CPNE4: variants seen among roughly 807,000 people sequenced by gnomAD.
CPNE4 encodes the protein copine 4.
A neutral mutation model predicts 67.9 loss-of-function variants in CPNE4; 25 were observed. The observed-to-expected ratio is 0.37, with a 90% CI of 0.27 to 0.51. The LOEUF is 0.51. CPNE4 is among the 20% of genes least tolerant of loss of function. CPNE4 has a pLI of 0.93. For missense variants in CPNE4, 464 were observed against 690.8 expected (o/e 0.67, Z 3.68); for synonymous variants, 242 against 244.9 (o/e 0.99, Z 0.11).
intron 7 of CPNE4, among the ~76,000 whole-genome samples, chr3:131,654,766 T>A (rs1213303570): frequency 6.6e-6 from 1 of 152,220 alleles, no homozygotes; most frequent in Non-Finnish European, 1.5e-5. Context: ...GAGTAGTGGT[T>A]CTCAACAAGG....
intron 1 of CPNE4, among the ~76,000 whole-genome samples, chr3:132,021,287 G>A (rs1426378739): frequency 1.3e-5 from 2 of 152,172 alleles, no homozygotes; most frequent in African/African-American, 4.8e-5. Context: ...AATCATTCAT[G>A]CCACAAGTAC....
chr3:131,537,594 T>C, intron 15 of CPNE4: 1 of 296,652 alleles, frequency 3.4e-6, no homozygotes, highest in South Asian at 3.1e-5. Context: ...TGAAGACTTG[T>C]ACATTTCTGA....
At chr3:131,952,383 G>A (rs1373215573) in intron 1 of CPNE4, among the ~76,000 whole-genome samples, 1 of 150,086 alleles carries the variant, frequency 6.7e-6, no homozygotes, top group Non-Finnish European at 1.5e-5. Context: ...CCCCGTCTGA[G>A]AAGTGAGGAG....
chr3:131,728,113 G>A (rs34012652), intron 2 of CPNE4, among the ~76,000 whole-genome samples: 42,229 of 152,040 alleles, frequency 0.28, 5,980 homozygotes, highest in Middle Eastern at 0.33. Flanking sequence ...AGTTCTAGTA[G>A]GTGTGGAGTG....
chr3:131,953,720 G>A (rs146964840), intron 1 of CPNE4, among the ~76,000 whole-genome samples: 210 of 152,296 alleles, frequency 1.4e-3, no homozygotes, highest in African/African-American at 3.1e-3. Context: ...TGGAGTTAGA[G>A]AGTAGAATGA....
At chr3:132,012,280 T>C (rs2073785940) in intron 1 of CPNE4, among the ~76,000 whole-genome samples, 1 of 150,898 alleles carries the variant, frequency 6.6e-6, no homozygotes, top group Non-Finnish European at 1.5e-5. Flanking sequence ...GAGATTCTCC[T>C]GCCTCAAACT....
At chr3:132,035,586 T>C (rs1223250213), upstream of CPNE4, 2 of 152,234 alleles carry the variant, frequency 1.3e-5, no homozygotes, top group African/African-American at 4.8e-5. Flanking sequence ...TAAAGATAGA[T>C]ATAAATATGC....
At chr3:131,898,596 G>C (rs1238807095) in intron 2 of CPNE4, among the ~76,000 whole-genome samples, 1 of 152,024 alleles carries the variant, frequency 6.6e-6, no homozygotes, top group African/African-American at 2.4e-5. Context: ...AAAATGTTGA[G>C]ATTTTACTTA....
intron 2 of CPNE4, among the ~76,000 whole-genome samples, chr3:131,755,369 G>A (rs2082728132): frequency 6.6e-6 from 1 of 152,046 alleles, no homozygotes; most frequent in Non-Finnish European, 1.5e-5. Flanking sequence ...TATGAAAACA[G>A]CCATACGGAC....
At chr3:131,822,413 G>A (rs1202246096) in intron 2 of CPNE4, among the ~76,000 whole-genome samples, 1 of 152,058 alleles carries the variant, frequency 6.6e-6, no homozygotes, top group Non-Finnish European at 1.5e-5. Flanking sequence ...AATGAACAAG[G>A]GTTAGAAAAT....
rs371115773 is a variant in CPNE4, at chr3:132,008,303, C to T, written c.-2+26264G>A. ...CTAAAAATATCAATTCTAGAGCAGA[C>T]TTGGTATCTGTTTTATTTAAGGTTC... On this transcript the variant is annotated intron_variant, in intron 1 of 15. Coordinates refer to ENST00000429747, the MANE Select transcript of CPNE4 (RefSeq NM_130808.3). Among the ~76,000 whole-genome samples the T allele has an allele frequency of 3.9e-5, 6 of 152,056 alleles. No individual in the cohort carries two copies. The South Asian group carries it at 8.3e-4, about 21-fold the overall frequency.
rs180775892 is a variant in CPNE4 at position 131,644,950 on chromosome 3, G to A, written c.681+24725C>T. ...AATAAAATTTTCAGATAAGGAAGAG[G>A]AGACCAAGAGTAATGTCACACAAGC... is the stretch of plus-strand genomic sequence containing the variant. On this transcript the variant is annotated intron_variant, in intron 7 of 15. Coordinates refer to ENST00000429747, the MANE Select transcript of CPNE4 (RefSeq NM_130808.3). 1.3e-3 allele frequency among the ~76,000 whole-genome samples: 193 copies of A among 152,058 alleles called. 2 individuals carry two copies. The highest frequency in any genetic ancestry group is 3.8e-4 in the Non-Finnish European group (26 of 68,022).
intron 1 of CPNE4, among the ~76,000 whole-genome samples, chr3:131,973,496 T>C (rs2072558266): frequency 5.9e-5 from 9 of 152,348 alleles, no homozygotes; most frequent in African/African-American, 1.9e-4. Flanking sequence ...GATTAACTTA[T>C]TCTTCAGCAC....
At chr3:131,936,014 T>C (rs775012037) in intron 1 of CPNE4, among the ~76,000 whole-genome samples, 15 of 152,080 alleles carry the variant, frequency 9.9e-5, no homozygotes, top group Non-Finnish European at 1.9e-4. Context: ...CCTCGTCCTT[T>C]GTTTTGCTTT....
At chr3:131,858,300 T>G (rs1407619797) in intron 2 of CPNE4, among the ~76,000 whole-genome samples, 1 of 152,124 alleles carries the variant, frequency 6.6e-6, no homozygotes, top group Non-Finnish European at 1.5e-5. Context: ...ATGAAAATAG[T>G]TGAGTTGGTT....
chr3:131,715,863 G>A (rs1373274826), intron 3 of CPNE4, among the ~76,000 whole-genome samples: 1 of 152,294 alleles, frequency 6.6e-6, no homozygotes, highest in East Asian at 1.9e-4. Context: ...ACCCACTATT[G>A]GATGTAGCAG....
chr3:131,741,483 C>A (rs1380286339), intron 2 of CPNE4, among the ~76,000 whole-genome samples: 1 of 152,012 alleles, frequency 6.6e-6, no homozygotes, highest in African/African-American at 2.4e-5. Flanking sequence ...TCAGAAAAAC[C>A]TACTGATGGA....
At chr3:131,652,019 T>G (rs796525097) in intron 7 of CPNE4, among the ~76,000 whole-genome samples, 67 of 152,342 alleles carry the variant, frequency 4.4e-4, no homozygotes, top group African/African-American at 1.6e-3. Context: ...TCCCATGCTC[T>G]CTTCGTTACT....
At chr3:131,916,925 C>T (rs1040356291) in intron 1 of CPNE4, among the ~76,000 whole-genome samples, 2 of 152,148 alleles carry the variant, frequency 1.3e-5, no homozygotes, top group Non-Finnish European at 2.9e-5. Flanking sequence ...TAAGATAAGT[C>T]TGTCATTGCC....
Sources: allele counts gnomAD v4.1 joint callset (sites outside exome capture counted in the v4.1 genomes callset), GRCh38; gene constraint gnomAD v4.1.1; transcripts MANE v1.5; gene names NCBI Gene and HGNC (gene_info 2026-07-23, HGNC 2026-07-21).